Variants in PCNT observed in about 807,000 individuals in gnomAD.
PCNT encodes the protein kendrin.
A neutral mutation model predicts 380.4 loss-of-function variants in PCNT; 319 were observed. The observed-to-expected ratio is 0.84, with a 90% confidence interval of 0.77 to 0.92. The LOEUF (loss-of-function observed/expected upper bound fraction) is 0.92, where lower values mean the gene tolerates loss of function less well. PCNT is among the 40% of genes least tolerant of loss of function. The pLI, the probability that PCNT is intolerant of heterozygous loss-of-function variation, is 0.00. For missense variants in PCNT, 4,400 were observed against 4,255.3 expected, an observed-to-expected ratio of 1.03 and a Z score of -0.95; for synonymous variants, 1,845 against 1,735.2, an observed-to-expected ratio of 1.06 and a Z score of -1.57.
Position 46,413,082 on chromosome 21 carries a change from A to C in PCNT, c.6150+90A>C, listed in dbSNP as rs111931506. ...GGGGAGCGGGGAAGGCACGAGGCCC[A>C]CCCGGGAGAGGCTGGACACGCGGCA... is the stretch of plus-strand genomic sequence containing the variant. On this transcript the variant is annotated intron_variant, in intron 29 of 46. Transcript: ENST00000359568. 0.033 allele frequency: 15,161 copies of C among 455,272 alleles called. 248 individuals carry two copies. Among genetic ancestry groups the C allele is most frequent in the Middle Eastern group, 0.038 (85 of 2,260 alleles). 28.2% of individuals were successfully genotyped at this position (455,272 alleles called of 1,614,324 possible).
intron 31 of PCNT, chr21:46,420,729 C>G (rs1302905042): frequency 6.5e-6 from 1 of 152,966 alleles, no homozygotes; most frequent in Non-Finnish European, 1.5e-5. Flanking sequence ...ACCCATGTCT[C>G]GGTGGCACTG....
intron 2 of PCNT, 121 bp from the exon 3 acceptor site, chr21:46,334,276 A>G (rs1453714372): frequency 3.0e-6 from 4 of 1,328,942 alleles, no homozygotes; most frequent in East Asian, 4.6e-5. Context: ...AACAGGTGGA[A>G]GTGAGCTCTA....
intron 29 of PCNT, among the ~76,000 whole-genome samples, chr21:46,415,132 G>A (rs965137519): frequency 9.2e-5 from 14 of 152,182 alleles, no homozygotes; most frequent in African/African-American, 2.9e-4. Flanking sequence ...TGCAGGTGCC[G>A]CCTGTTCCTG....
chr21:46,410,654 A>G (rs1449739472), intron 27 of PCNT, among the ~76,000 whole-genome samples: 1 of 152,320 alleles, frequency 6.6e-6, no homozygotes, highest in Non-Finnish European at 1.5e-5. Flanking sequence ...GTTTCATGGC[A>G]CAAGTAAACT....
Position 46,416,514 on chromosome 21 carries a change from G to T in PCNT, c.6596G>T (p.Gly2199Val), listed in dbSNP as rs1164663956. 6.2e-7 allele frequency: 1 copy of T among 1,613,722 alleles called. No individual in the cohort carries two copies. The highest frequency in any genetic ancestry group is 2.2e-5 in the East Asian group (1 of 44,872). Residue 2199 changes from glycine (G) to valine (V), a missense_variant, in exon 30 of 47, where the codon GGC (glycine) becomes GTC (valine). By Grantham distance (109) the Gly-to-Val change is moderately radical. Coordinates refer to ENST00000359568, the MANE Select transcript of PCNT (RefSeq NM_006031.6). ...TCTTCACCGACCAGCGTACTTGGTG[G>T]CTCCCGCCACCAGAGCCACACTGCA... is the stretch of plus-strand genomic sequence containing the variant. ...SLSSPTSVLG[G>V]SRHQSHTAEA...
Position 46,431,938 on chromosome 21 carries a change from A to G in PCNT, c.8474A>G (p.Glu2825Gly), listed in dbSNP as rs1180205885. The change falls in exon 38 of 47, where the codon GAG (glutamate) becomes GGG (glycine). Residue 2825 changes from glutamate (E) to glycine (G), a missense_variant. Physicochemically the swap from Glu to Gly is moderately conservative, Grantham distance 98. Transcript: ENST00000359568. ...CATTCTCAGCAGCAGCTTGAGGCTG[A>G]GGCTCAGAAGCACTGTGAGGCGCTC... ...ALHSQQQLEAEAQKHCEALRR... is the reference protein window; with the variant it reads ...ALHSQQQLEAGAQKHCEALRR... 1 of 1,614,060 alleles carries G rather than the reference A, an allele frequency of 6.2e-7. No individual in the cohort carries two copies. The highest frequency in any genetic ancestry group is 8.5e-7 in the Non-Finnish European group (1 of 1,179,994).
In PCNT at chr21:46,435,756, A is replaced by G. The variant is rs2053421089; in HGVS notation, c.8752-148A>G. On this transcript the variant is annotated intron_variant, in intron 38 of 46. Transcript: ENST00000359568. ...GTGGGGTTTCACTGTGTTGGCCAGCATGGTCTCAATCTCCTGACCTCATGA... is the reference window on the plus strand; with the variant it reads ...GTGGGGTTTCACTGTGTTGGCCAGCGTGGTCTCAATCTCCTGACCTCATGA... The G allele has an allele frequency of 4.9e-6, 4 of 812,976 alleles. No individual in the cohort carries two copies. In the East Asian group the frequency reaches 7.9e-5, roughly 16 times the overall value. The allele number at this position is 812,976 out of a possible 1,614,324, so 50.4% of individuals were successfully genotyped here. A position where few individuals can be genotyped will look rare whatever the true frequency, so the allele number is the denominator to read the frequency against.
At chr21:46,341,908 G>A (rs1255832418) in intron 3 of PCNT, among the ~76,000 whole-genome samples, 3 of 151,112 alleles carry the variant, frequency 2.0e-5, no homozygotes, top group African/African-American at 7.3e-5. Flanking sequence ...CAAACTTCTG[G>A]CCTCAAGTGA....
intron 14 of PCNT, among the ~76,000 whole-genome samples, chr21:46,364,917 G>A (rs1371650132): frequency 2.0e-5 from 3 of 152,248 alleles, no homozygotes; most frequent in South Asian, 2.1e-4. Flanking sequence ...GCTTCCAGGC[G>A]CAGAGGTGCC....
At chr21:46,379,348 C>CG (rs1282389103) in intron 15 of PCNT, among the ~76,000 whole-genome samples, 1 of 152,164 alleles carries the variant, frequency 6.6e-6, no homozygotes, top group Non-Finnish European at 1.5e-5. Flanking sequence ...GTGTCTTGAG[C>CG]GGCACCCATA....
rs770815445 is a variant in PCNT, at chr21:46,334,399, G to A, written c.270G>A (p.Pro90=). The part of the protein sequence containing the change: ...DGAGGAFAAQ[P]EDCDGEKRED... The stretch of plus-strand genomic sequence containing the variant: ...CTTTCTGGTCCTCCCCTTCTTAGCC[G>A]GAGGACTGTGATGGAGAGAAGAGAG... Residue 90 remains proline, a splice_region_variant and synonymous_variant, in exon 3 of 47, where the codon CCG becomes CCA. Coordinates refer to ENST00000359568, the MANE Select transcript of PCNT (RefSeq NM_006031.6). 12 of 1,614,038 alleles carry A rather than the reference G, an allele frequency of 7.4e-6. No individual in the cohort carries two copies. The highest frequency in any genetic ancestry group is 2.2e-5 in the East Asian group (1 of 44,904).
chr21:46,391,361 G>A lies in PCNT; in HGVS notation c.4201G>A (p.Glu1401Lys), dbSNP rs776308749. The A allele has an allele frequency of 3.4e-5, 52 of 1,549,258 alleles. No homozygotes were observed. Among genetic ancestry groups the A allele is most frequent in the African/African-American group, 1.9e-4 (14 of 73,128 alleles). Reference protein sequence around the residue: ...SRGEATATDAEAREAALRKEV... With the variant: ...SRGEATATDAKAREAALRKEV... ...GGGGGAGGCCACAGCCACGGACGCCGAGGCCAGAGAAGCTGGTAAGGAGCG... is the reference window on the plus strand; with the variant it reads ...GGGGGAGGCCACAGCCACGGACGCCAAGGCCAGAGAAGCTGGTAAGGAGCG... Residue 1401 changes from glutamate to lysine, a missense_variant, in exon 21 of 47, where the codon GAG (glutamate) becomes AAG (lysine). Transcript: ENST00000359568.
At chr21:46,389,106 C>T (rs1025896721) in intron 18 of PCNT, 93 bp from the exon 19 acceptor site, 72 of 1,385,006 alleles carry the variant, frequency 5.2e-5, no homozygotes, top group Non-Finnish European at 7.3e-5. Flanking sequence ...GGGCGACGTT[C>T]TGAGTTCTGT....
In PCNT at chr21:46,348,885, CAA is replaced by C. The variant is rs985096697; in HGVS notation, c.1033-125_1033-124del. 5 of 682,094 alleles carry C rather than the reference CAA, an allele frequency of 7.3e-6. No homozygotes were observed. In the African/African-American group the frequency reaches 9.0e-5, roughly 12 times the overall value. The allele number at this position is 682,094 out of a possible 1,614,324, so 42.3% of individuals were successfully genotyped here. ...AGGCGATCTGCCTGCCTCAGCCTCTCAAAGTGCTGGGATTAGAGGCATGAGCC... is the reference window on the plus strand; with the variant it reads ...AGGCGATCTGCCTGCCTCAGCCTCTCAGTGCTGGGATTAGAGGCATGAGCC... On this transcript the variant is annotated intron_variant, in intron 6 of 46. Coordinates refer to ENST00000359568, the MANE Select transcript of PCNT (RefSeq NM_006031.6).
chr21:46,351,406 C>G (rs1475708261), intron 8 of PCNT, 23 bp from the exon 9 acceptor site: 1 of 1,360,732 alleles, frequency 7.3e-7, no homozygotes. Flanking sequence ...TAGGGTTTCA[C>G]CTGGACACTT....
chr21:46,442,612 CCTTT>C lies in PCNT; in HGVS notation c.9700+46_9700+49del, dbSNP rs373410243. 6.3e-4 allele frequency: 776 copies of C among 1,241,576 alleles called. 8 individuals carry two copies. The highest frequency in any genetic ancestry group is 5.9e-3 in the South Asian group (494 of 83,488). The allele number at this position is 1,241,576 out of a possible 1,614,324, so 76.9% of individuals were successfully genotyped here. On this transcript the variant is annotated intron_variant, in intron 44 of 46. Coordinates refer to ENST00000359568, the MANE Select transcript of PCNT (RefSeq NM_006031.6). ...TGCTGTTGACCGCTGGACTCACAAACCTTTCTTTCTACTCTTGTTTTTCATTCAC... is the reference window on the plus strand; with the variant it reads ...TGCTGTTGACCGCTGGACTCACAAACCTTTCTACTCTTGTTTTTCATTCAC...
intron 46 of PCNT, 101 bp downstream of exon 46, chr21:46,444,922 A>C: frequency 9.1e-7 from 1 of 1,103,054 alleles, no homozygotes; most frequent in Admixed American, 1.7e-5. Flanking sequence ...TTAGTAACCA[A>C]AGTTTCAGTC....
At position 46,366,583 on chromosome 21, in the gene PCNT, G is replaced by C; in HGVS notation, c.2610-1G>C. 1 of 1,613,790 alleles carries C rather than the reference G, an allele frequency of 6.2e-7. No homozygotes were observed. Among genetic ancestry groups the C allele is most frequent in the Non-Finnish European group, 8.5e-7 (1 of 1,179,728 alleles). On this transcript the variant is annotated splice_acceptor_variant, in intron 14 of 46. Transcript: ENST00000359568. LOFTEE classifies it high-confidence loss of function. The stretch of plus-strand genomic sequence containing the variant: ...GTCCTGTGTTCACTTTGTTGCCGCA[G>C]GTTTTTAGAGGAACGTAAAGAGATC...
chr21:46,357,199 G>T lies in PCNT; in HGVS notation c.2154+8G>T, dbSNP rs778407564. 6.3e-7 allele frequency: 1 copy of T among 1,581,802 alleles called. No individual in the cohort carries two copies. Among genetic ancestry groups the T allele is most frequent in the South Asian group, 1.1e-5 (1 of 90,482 alleles). On this transcript the variant is annotated splice_region_variant and intron_variant, in intron 13 of 46. Transcript: ENST00000359568. ...AAGGACGATTTGGAGAAGGTGAGTC[G>T]TGACTCCACAGCCCAGCGCCTCCCG...
Sources: gnomAD v4.1 joint callset for allele counts (sites outside exome capture counted in the v4.1 genomes callset) on GRCh38, gnomAD v4.1.1 for gene constraint, MANE v1.5 for transcripts, NCBI Gene and HGNC (gene_info 2026-07-23, HGNC 2026-07-21) for gene names.